ADGRL2: variants seen among roughly 807,000 people sequenced by gnomAD.
ADGRL2 encodes adhesion G protein-coupled receptor L2.
ADGRL2 carries 44 observed loss-of-function variants against 157.4 expected under a neutral mutation model. The observed-to-expected ratio is 0.28, with a 90% CI of 0.22 to 0.36. The LOEUF (loss-of-function observed/expected upper bound fraction) is 0.36, where lower values mean the gene tolerates loss of function less well. ADGRL2 is among the 10% of genes least tolerant of loss of function. The pLI is 1.00. For synonymous variants in ADGRL2, 585 were observed against 624.7 expected, an observed-to-expected ratio of 0.94 and a Z score of 0.95; for missense variants, 1,510 against 1,768.9, an observed-to-expected ratio of 0.85 and a Z score of 2.63.
chr1:81,971,712 A>C (rs1658805525), intron 16 of ADGRL2, 140 bp from the exon 17 acceptor site: 2 of 515,334 alleles, frequency 3.9e-6, no homozygotes, highest in South Asian at 6.6e-5. Flanking sequence ...GAATTATTAG[A>C]GGTCTTGCAC....
At chr1:81,799,246 A>G (rs1359905017), upstream of ADGRL2, among the ~76,000 whole-genome samples, 3 of 152,194 alleles carry the variant, frequency 2.0e-5, no homozygotes, top group African/African-American at 7.2e-5. Context: ...ACTAGTTTAT[A>G]TCCTGCGTGG....
intron 1 of ADGRL2, among the ~76,000 whole-genome samples, chr1:81,802,568 A>G (rs1182878472): frequency 6.6e-6 from 1 of 152,036 alleles, no homozygotes; most frequent in African/African-American, 2.4e-5. Context: ...GTAGCCATGC[A>G]TTTTTTAATT....
intron 13 of ADGRL2, among the ~76,000 whole-genome samples, chr1:81,966,992 T>C (rs562395912): frequency 6.6e-6 from 1 of 152,308 alleles, no homozygotes; most frequent in South Asian, 2.1e-4. Flanking sequence ...AAAATTTTTT[T>C]CATTAGTTTA....
intron 1 of ADGRL2, among the ~76,000 whole-genome samples, chr1:81,388,827 T>G (rs925745018): frequency 6.6e-6 from 1 of 152,166 alleles, no homozygotes; most frequent in Non-Finnish European, 1.5e-5. Context: ...CGATACTCAA[T>G]GCAATCCTCT....
intron 2 of ADGRL2, among the ~76,000 whole-genome samples, chr1:81,837,308 A>C (rs1474082443): frequency 6.6e-6 from 1 of 152,004 alleles, no homozygotes. Context: ...AATAATCCCG[A>C]GGGAACTAAA....
At chr1:81,488,716 G>A (rs1266902841) in intron 2 of ADGRL2, among the ~76,000 whole-genome samples, 1 of 151,254 alleles carries the variant, frequency 6.6e-6, no homozygotes, top group East Asian at 2.0e-4. Context: ...CAAAAAGGAG[G>A]AAAGTAAGTC....
intron 2 of ADGRL2, among the ~76,000 whole-genome samples, chr1:81,889,573 G>A (rs1449226774): frequency 6.6e-6 from 1 of 150,894 alleles, no homozygotes; most frequent in Non-Finnish European, 1.5e-5. Flanking sequence ...TAACATAGAA[G>A]TGGGAGGTAA....
rs35732882 is a variant in ADGRL2 at position 81,673,510 on chromosome 1, A to ATTT, written c.-142-88281_-142-88279dup. ...CTGAGGAACAGAAACTGTGCCTTCT[A>ATTT]TTTTTTTTTTTTTTTTTTTTTTGAG... is the stretch of plus-strand genomic sequence containing the variant. On this transcript the variant is annotated intron_variant, in intron 3 of 24. Transcript: ENST00000370721. 1.3e-3 allele frequency among the ~76,000 whole-genome samples: 129 copies of ATTT among 100,126 alleles called. 2 individuals carry two copies. Among genetic ancestry groups the ATTT allele is most frequent in the Non-Finnish European group, 1.7e-3 (86 of 51,784 alleles). The allele number at this position is 100,126 out of a possible 152,430, so 65.7% of individuals were successfully genotyped here. A position where few individuals can be genotyped will look rare whatever the true frequency, so the allele number is the denominator to read the frequency against.
At chr1:81,989,062 T>G (rs1664012022) in intron 23 of ADGRL2, among the ~76,000 whole-genome samples, 1 of 151,514 alleles carries the variant, frequency 6.6e-6, no homozygotes, top group South Asian at 2.1e-4. Context: ...TTCTCTTGAC[T>G]TTTTTTTTCA....
At position 81,938,798 on chromosome 1, in the gene ADGRL2, C is replaced by T. The variant is rs181392874; in HGVS notation, c.397+1961C>T. ...AGAGCCTTCTTAGATTATTCTAATC[C>T]TATGTAGGACAGTGTCTTATCTCTT... is the stretch of plus-strand genomic sequence containing the variant. On this transcript the variant is annotated intron_variant, in intron 4 of 23. Transcript: ENST00000686636. 1.7e-3 allele frequency among the ~76,000 whole-genome samples: 157 copies of T among 94,262 alleles called. 1 individual carries two copies. The highest frequency in any genetic ancestry group is 6.6e-3 in the African/African-American group (151 of 22,922). The allele number at this position is 94,262 out of a possible 152,430, so 61.8% of individuals were successfully genotyped here.
intron 1 of ADGRL2, among the ~76,000 whole-genome samples, chr1:81,725,013 G>A (rs2084467961): frequency 6.6e-6 from 1 of 151,766 alleles, no homozygotes; most frequent in Non-Finnish European, 1.5e-5. Flanking sequence ...AGACCAGCCT[G>A]GCCAACATAG....
chr1:81,972,316 A>C (rs1322543221), intron 17 of ADGRL2, among the ~76,000 whole-genome samples: 1 of 152,098 alleles, frequency 6.6e-6, no homozygotes, highest in Non-Finnish European at 1.5e-5. Context: ...ATTTTAAGTG[A>C]ATTTTAAATG....
intron 2 of ADGRL2, among the ~76,000 whole-genome samples, chr1:81,842,156 G>T (rs1322826775): frequency 6.6e-6 from 1 of 151,980 alleles, no homozygotes. Flanking sequence ...GGGTGCATGG[G>T]TGTAGACATG....
At chr1:81,865,061 C>G (rs1303840741) in intron 2 of ADGRL2, among the ~76,000 whole-genome samples, 2 of 152,098 alleles carry the variant, frequency 1.3e-5, no homozygotes, top group Non-Finnish European at 2.9e-5. Flanking sequence ...AGCAGATTGT[C>G]TGTGTATTTT....
intron 1 of ADGRL2, among the ~76,000 whole-genome samples, chr1:81,707,649 G>A (rs5002076): frequency 0.41 from 61,924 of 151,290 alleles, 12,664 homozygotes; most frequent in Admixed American, 0.45. Context: ...GTATGTTATT[G>A]TTGTTGTTGT....
intron 1 of ADGRL2, among the ~76,000 whole-genome samples, chr1:81,826,576 A>C (rs2091500440): frequency 6.6e-6 from 1 of 152,224 alleles, no homozygotes; most frequent in Admixed American, 6.5e-5. Context: ...TAACTGTGCT[A>C]AAAGAAGTAT....
At chr1:81,502,634 A>G (rs1288793109) in intron 2 of ADGRL2, 6 of 1,613,880 alleles carry the variant, frequency 3.7e-6, no homozygotes, top group Admixed American at 1.7e-5. Context: ...CACATCCATC[A>G]CCAGCGCTGC....
intron 2 of ADGRL2, among the ~76,000 whole-genome samples, chr1:81,493,191 C>T (rs532112683): frequency 1.3e-5 from 2 of 152,240 alleles, no homozygotes; most frequent in South Asian, 4.1e-4. Context: ...AATTATCAAA[C>T]AAATGTACCC....
rs192142737 is a variant in ADGRL2 at position 81,990,140 on chromosome 1, T to C, written c.3656-251T>C. 1.6e-3 allele frequency: 1,581 copies of C among 985,326 alleles called. 1 individual carries two copies. Among genetic ancestry groups the C allele is most frequent in the Non-Finnish European group, 1.7e-3 (1,444 of 829,878 alleles). The allele number at this position is 985,326 out of a possible 1,614,324, so 61.0% of individuals were successfully genotyped here. A position where few individuals can be genotyped will look rare whatever the true frequency, so the allele number is the denominator to read the frequency against. On this transcript the variant is annotated intron_variant, in intron 23 of 23. Coordinates refer to ENST00000686636, the MANE Select transcript of ADGRL2 (RefSeq NM_001366006.2). Reference sequence around the variant, plus strand: ...AATTAATCAGTACTGTCTCCTGAAATTGATAAAGTATTACTCTGTATGCCA... The same window carrying C: ...AATTAATCAGTACTGTCTCCTGAAACTGATAAAGTATTACTCTGTATGCCA...
Sources: allele counts gnomAD v4.1 joint callset (sites outside exome capture counted in the v4.1 genomes callset), GRCh38; gene constraint gnomAD v4.1.1; transcripts MANE v1.5; gene names NCBI Gene and HGNC (gene_info 2026-07-23, HGNC 2026-07-21).